LRRC4C: variants seen among roughly 807,000 people sequenced by gnomAD.
LRRC4C encodes leucine rich repeat containing 4C, also known as leucine-rich repeat-containing protein 4C.
In LRRC4C, 5 loss-of-function variants were observed where a neutral mutation model predicts 33.6. The observed-to-expected ratio is 0.15, with a 90% CI of 0.08 to 0.31. The LOEUF is 0.31. Among genes scored for constraint, LRRC4C ranks in the 10% least tolerant of loss-of-function variants. The probability of loss-of-function intolerance (pLI) is 1.00; values close to 1 mark genes in which losing one functional copy is unlikely to be tolerated. For synonymous variants in LRRC4C, 329 were observed against 302.0 expected, an observed-to-expected ratio of 1.09 and a Z score of -0.93; for missense variants, 560 against 796.7, an observed-to-expected ratio of 0.70 and a Z score of 3.58.
chr11:40,444,869 T>C (rs1178090383), intron 3 of LRRC4C, among the ~76,000 whole-genome samples: 1 of 152,200 alleles, frequency 6.6e-6, no homozygotes, highest in African/African-American at 2.4e-5. Flanking sequence ...CATCTGATGC[T>C]TCAAAAGATT....
At chr11:40,305,983 GT>G (rs887267735) in intron 4 of LRRC4C, among the ~76,000 whole-genome samples, 12 of 152,296 alleles carry the variant, frequency 7.9e-5, no homozygotes, top group African/African-American at 2.9e-4. Context: ...CAACGAGGTT[GT>G]TTTTTGGCTC....
chr11:40,294,285 A>G (rs1944396945), intron 4 of LRRC4C, among the ~76,000 whole-genome samples: 1 of 152,138 alleles, frequency 6.6e-6, no homozygotes, highest in Non-Finnish European at 1.5e-5. Context: ...CAGAGCCAGA[A>G]CAGCTGAGTC....
chr11:40,745,815 G>T (rs952415477), intron 2 of LRRC4C, among the ~76,000 whole-genome samples: 1 of 152,072 alleles, frequency 6.6e-6, no homozygotes, highest in African/African-American at 2.4e-5. Context: ...TTCCTGGAAG[G>T]AAAATTTAAT....
chr11:40,778,149 G>T (rs963124430), intron 2 of LRRC4C, among the ~76,000 whole-genome samples: 3 of 152,068 alleles, frequency 2.0e-5, no homozygotes, highest in African/African-American at 7.2e-5. Flanking sequence ...TGTTTTATAT[G>T]GTCTGTTGAC....
intron 3 of LRRC4C, among the ~76,000 whole-genome samples, chr11:40,403,629 T>G (rs1433872180): frequency 6.6e-6 from 1 of 152,222 alleles, no homozygotes; most frequent in Admixed American, 6.6e-5. Flanking sequence ...CTCAACCAAA[T>G]AGACTTTTGC....
At chr11:40,985,099 G>A (rs1404106162) in intron 1 of LRRC4C, among the ~76,000 whole-genome samples, 1 of 151,642 alleles carries the variant, frequency 6.6e-6, no homozygotes, top group Non-Finnish European at 1.5e-5. Flanking sequence ...CAAGCAGGGG[G>A]AGGAGACCCA....
chr11:40,392,778 T>A (rs1949386593), intron 3 of LRRC4C, among the ~76,000 whole-genome samples: 1 of 152,154 alleles, frequency 6.6e-6, no homozygotes, highest in African/African-American at 2.4e-5. Flanking sequence ...ATTCAATACC[T>A]ACTATGTATC....
chr11:41,304,278 T>C (rs1950395947), intron 1 of LRRC4C, among the ~76,000 whole-genome samples: 1 of 108,830 alleles, frequency 9.2e-6, no homozygotes, highest in Non-Finnish European at 1.9e-5. Context: ...GGGGCGCCTC[T>C]GCCCGGCCGC....
rs549962219 is a variant in LRRC4C at position 41,232,988 on chromosome 11, C to T, written c.-496+226443G>A. 1.3e-4 allele frequency among the ~76,000 whole-genome samples: 20 copies of T among 152,134 alleles called. No individual in the cohort carries two copies. In the South Asian group the frequency reaches 3.9e-3, roughly 30 times the overall value. On this transcript the variant is annotated intron_variant, in intron 1 of 6. Coordinates refer to ENST00000528697, the MANE Select transcript of LRRC4C (RefSeq NM_001258419.2). ...GCATTTAACCTTAAGGAAATATAACCTCCTGGGCAATTGTCAAAACAAGTG... is the reference window on the plus strand; with the variant it reads ...GCATTTAACCTTAAGGAAATATAACTTCCTGGGCAATTGTCAAAACAAGTG...
chr11:40,914,165 G>C (rs1039265564), intron 2 of LRRC4C, among the ~76,000 whole-genome samples: 7 of 152,070 alleles, frequency 4.6e-5, no homozygotes, highest in Admixed American at 4.6e-4. Flanking sequence ...TCAATCAATA[G>C]AAAAAGAGGG....
chr11:40,619,177 A>C (rs1187695887), intron 3 of LRRC4C, among the ~76,000 whole-genome samples: 1 of 151,778 alleles, frequency 6.6e-6, no homozygotes, highest in African/African-American at 2.4e-5. Context: ...GTTAATTGGT[A>C]CAACAAAAAT....
intron 1 of LRRC4C, among the ~76,000 whole-genome samples, chr11:41,021,744 T>C (rs1335697911): frequency 1.3e-5 from 2 of 152,058 alleles, no homozygotes; most frequent in African/African-American, 2.4e-5. Context: ...ACACAGAATT[T>C]GTCTCTATGT....
At chr11:41,287,743 C>T (rs770592088) in intron 1 of LRRC4C, among the ~76,000 whole-genome samples, 14 of 152,278 alleles carry the variant, frequency 9.2e-5, no homozygotes, top group South Asian at 2.1e-4. Flanking sequence ...TCCTGTTAAA[C>T]CTTGGCCTAA....
intron 1 of LRRC4C, among the ~76,000 whole-genome samples, chr11:41,099,419 T>C (rs1941025401): frequency 6.7e-6 from 1 of 149,506 alleles, no homozygotes; most frequent in South Asian, 2.1e-4. Context: ...CCAATATCCA[T>C]GAACATAGAT....
intron 1 of LRRC4C, among the ~76,000 whole-genome samples, chr11:41,373,500 G>A (rs1952828042): frequency 6.6e-6 from 1 of 152,060 alleles, no homozygotes; most frequent in Non-Finnish European, 1.5e-5. Flanking sequence ...TAAATGTTTG[G>A]GAGTCTGTGT....
intron 5 of LRRC4C, among the ~76,000 whole-genome samples, chr11:40,146,196 A>G (rs1857718775): frequency 6.6e-6 from 1 of 152,196 alleles, no homozygotes; most frequent in East Asian, 1.9e-4. Flanking sequence ...TGGAACAGTC[A>G]TCAGTGACTT....
chr11:40,895,423 T>A (rs191156668), intron 2 of LRRC4C, among the ~76,000 whole-genome samples: 2 of 152,066 alleles, frequency 1.3e-5, no homozygotes. Context: ...AGAAACATTA[T>A]AGTAACAGTG....
chr11:41,292,171 T>C (rs1950011230), intron 1 of LRRC4C, among the ~76,000 whole-genome samples: 1 of 152,188 alleles, frequency 6.6e-6, no homozygotes, highest in Non-Finnish European at 1.5e-5. Flanking sequence ...ACCTCACTGA[T>C]GTGAGGAACA....
chr11:41,015,944 C>G (rs61887634), intron 1 of LRRC4C, among the ~76,000 whole-genome samples: 9 of 151,960 alleles, frequency 5.9e-5, no homozygotes, highest in Non-Finnish European at 1.0e-4. Flanking sequence ...GAGCCGAGAT[C>G]GCGCCACTGC....
Sources: allele counts gnomAD v4.1 joint callset (sites outside exome capture counted in the v4.1 genomes callset), GRCh38; gene constraint gnomAD v4.1.1; transcripts MANE v1.5; gene names NCBI Gene and HGNC (gene_info 2026-07-23, HGNC 2026-07-21).